Variants in CDC5L observed in about 807,000 individuals in gnomAD.
CDC5L encodes cell division cycle 5-like protein.
Under a neutral mutation model 104.1 loss-of-function variants are expected in CDC5L, and 18 were observed. That is an observed-to-expected ratio of 0.17 (90% CI 0.12 to 0.26). The LOEUF (loss-of-function observed/expected upper bound fraction) is 0.26. Ranked by LOEUF, CDC5L falls within the 10% of genes least tolerant of loss-of-function variation. The pLI, the probability that CDC5L is intolerant of heterozygous loss-of-function variation, is 1.00. For missense variants in CDC5L, 673 were observed against 956.9 expected (o/e 0.70, Z 3.91); for synonymous variants, 331 against 322.7 (o/e 1.03, Z -0.28).
chr6:44,420,847 A>T (rs1345780039), intron 9 of CDC5L, among the ~76,000 whole-genome samples: 1 of 152,218 alleles, frequency 6.6e-6, no homozygotes, highest in Non-Finnish European at 1.5e-5. Context: ...TCTTATCTAT[A>T]CCGGCAATGA....
chr6:44,409,499 C>T (rs951354743), intron 8 of CDC5L, among the ~76,000 whole-genome samples: 5 of 152,216 alleles, frequency 3.3e-5, no homozygotes, highest in African/African-American at 1.2e-4. Context: ...GTAAGTTATA[C>T]AAATATGTAA....
Position 44,387,946 on chromosome 6 carries a change from G to GT in CDC5L, c.45+78_45+79insT, listed in dbSNP as rs202228886. On this transcript the variant is annotated intron_variant, in intron 1 of 15. Coordinates refer to ENST00000371477, the MANE Select transcript of CDC5L (RefSeq NM_001253.4). ...TGCGCACGCGCGCGGAGGTCGGGGG[G>GT]GCGACGAGGAGACCCTGTGGGGTCT... is the stretch of plus-strand genomic sequence containing the variant. 2,161 of 1,397,646 alleles carry GT rather than the reference G, an allele frequency of 1.5e-3. 36 individuals are homozygous for GT. The African/African-American group carries it at 0.028, about 18-fold the overall frequency. 86.6% of individuals were successfully genotyped at this position (1,397,646 alleles called of 1,614,324 possible).
chr6:44,424,708 T>A, intron 11 of CDC5L, 125 bp downstream of exon 11: 2 of 767,886 alleles, frequency 2.6e-6, no homozygotes, highest in Non-Finnish European at 4.2e-6. Flanking sequence ...AAAAAACTTC[T>A]AAAGTAAATA....
intron 8 of CDC5L, among the ~76,000 whole-genome samples, chr6:44,411,327 G>A (rs1791612150): frequency 6.6e-6 from 1 of 151,886 alleles, no homozygotes; most frequent in South Asian, 2.1e-4. Flanking sequence ...AGTTCTTTTG[G>A]GTCAGTGTTA....
intron 14 of CDC5L, among the ~76,000 whole-genome samples, chr6:44,439,368 G>A (rs1256707801): frequency 7.2e-5 from 11 of 152,106 alleles, no homozygotes; most frequent in African/African-American, 2.7e-4. Flanking sequence ...GGAAATACTG[G>A]GAGTGGAATT....
chr6:44,435,111 CT>C (rs571033985), intron 14 of CDC5L, among the ~76,000 whole-genome samples: 1,572 of 101,706 alleles, frequency 0.015, 27 homozygotes, highest in African/African-American at 0.042. Flanking sequence ...TCCCATATAT[CT>C]TTTTTTTTTT....
At chr6:44,397,006 G>T (rs1288806425) in intron 5 of CDC5L, among the ~76,000 whole-genome samples, 4 of 152,140 alleles carry the variant, frequency 2.6e-5, no homozygotes, top group South Asian at 2.1e-4. Flanking sequence ...AAGTTCTCCA[G>T]ACTCTGTCCT....
chr6:44,411,637 A>AGAGAGAGAGAGAGAGTGT, intron 8 of CDC5L, among the ~76,000 whole-genome samples: 1 of 123,644 alleles, frequency 8.1e-6, no homozygotes, highest in Non-Finnish European at 1.7e-5. Context: ...AGAGAGAGAG[A>AGAGAGAGAGAGAGAGTGT]GTGTGTGTGT....
chr6:44,418,679 T>C lies in CDC5L; in HGVS notation c.1093-770T>C, dbSNP rs1337158696. 1.8e-3 allele frequency among the ~76,000 whole-genome samples: 280 copies of C among 152,206 alleles called. 2 individuals carry two copies. The highest frequency in any genetic ancestry group is 6.5e-3 in the African/African-American group (271 of 41,474). ...ACCTGTTTCCTGACTTTTTAATGAT[T>C]GCCATTCTAACTGGTGTGAGATGGT... On this transcript the variant is annotated intron_variant, in intron 8 of 15. Transcript: ENST00000371477.
intron 3 of CDC5L, 106 bp downstream of exon 3, chr6:44,392,934 G>A: frequency 1.0e-6 from 1 of 1,003,836 alleles, no homozygotes; most frequent in Non-Finnish European, 1.4e-6. Flanking sequence ...ATGGATGTGA[G>A]TAAACCCAAA....
Position 44,426,685 on chromosome 6 carries a change from T to C in CDC5L, c.1854T>C (p.His618=), listed in dbSNP as rs11572023. The C allele has an allele frequency of 1.5e-3, 2,341 of 1,612,882 alleles. 39 individuals carry two copies. The African/African-American group carries it at 0.028, about 19-fold the overall frequency. ...CAGAGCACATTACCTATCTGGAACA[T>C]AATCCTTATGAAAAGTTCTCCAAAG... ...NNSEHITYLE[H]NPYEKFSKEE... is the part of the protein sequence containing the mutation. Residue 618 remains histidine (H), a synonymous_variant, in exon 13 of 16, where the codon CAT becomes CAC. Coordinates refer to ENST00000371477, the MANE Select transcript of CDC5L (RefSeq NM_001253.4).
At chr6:44,442,956 A>T (rs1404510681) in intron 14 of CDC5L, among the ~76,000 whole-genome samples, 1 of 152,046 alleles carries the variant, frequency 6.6e-6, no homozygotes, top group Non-Finnish European at 1.5e-5. Flanking sequence ...AGTCTTTATC[A>T]TCCATTTGGT....
intron 5 of CDC5L, among the ~76,000 whole-genome samples, chr6:44,403,294 G>T (rs1433964873): frequency 1.4e-5 from 2 of 147,060 alleles, no homozygotes. Flanking sequence ...TTTGTGAATT[G>T]TTTCCTTTTG....
At chr6:44,434,214 G>T (rs920206803) in intron 14 of CDC5L, among the ~76,000 whole-genome samples, 1 of 152,134 alleles carries the variant, frequency 6.6e-6, no homozygotes, top group Non-Finnish European at 1.5e-5. Context: ...TGCAGTTTAC[G>T]TATTTCACTT....
intron 4 of CDC5L, among the ~76,000 whole-genome samples, chr6:44,396,024 T>C (rs1260228708): frequency 6.6e-6 from 1 of 152,246 alleles, no homozygotes; most frequent in East Asian, 1.9e-4. Context: ...TGCGAGATGC[T>C]TTACATATTT....
At chr6:44,417,364 C>G (rs1055836930) in intron 8 of CDC5L, among the ~76,000 whole-genome samples, 1 of 152,124 alleles carries the variant, frequency 6.6e-6, no homozygotes, top group South Asian at 2.1e-4. Flanking sequence ...CGTGGTATCT[C>G]AGGGCTCCAC....
chr6:44,418,597 G>A (rs1424422502), intron 8 of CDC5L, among the ~76,000 whole-genome samples: 2 of 152,088 alleles, frequency 1.3e-5, no homozygotes, highest in East Asian at 1.9e-4. Context: ...GGTTGAACTA[G>A]TTTACAGTCC....
At position 44,422,858 on chromosome 6, in the gene CDC5L, C is replaced by T. The variant is rs112632114; in HGVS notation, c.1404+49C>T. 2.7e-4 allele frequency: 348 copies of T among 1,294,948 alleles called. 2 individuals carry two copies. In the African/African-American group the frequency reaches 4.8e-3, roughly 18 times the overall value. The allele number at this position is 1,294,948 out of a possible 1,614,324, so 80.2% of individuals were successfully genotyped here. ...ACTCTTAAATTTTTTTTTAATATCT[C>T]ATGGATGCCAAATTAAAATTTCTCC... On this transcript the variant is annotated intron_variant, in intron 10 of 15. Transcript: ENST00000371477.
chr6:44,434,209 T>TTTAC (rs1207130474), intron 14 of CDC5L, among the ~76,000 whole-genome samples: 1 of 152,208 alleles, frequency 6.6e-6, no homozygotes, highest in African/African-American at 2.4e-5. Context: ...TTTTATGCAG[T>TTTAC]TTACGTATTT....
Sources: gnomAD v4.1 joint callset for allele counts (sites outside exome capture counted in the v4.1 genomes callset) on GRCh38, gnomAD v4.1.1 for gene constraint, MANE v1.5 for transcripts, NCBI Gene and HGNC (gene_info 2026-07-23, HGNC 2026-07-21) for gene names.